CTNND2: variants seen among roughly 807,000 people sequenced by gnomAD.
CTNND2 encodes catenin delta 2, also known as catenin delta-2.
Under a neutral mutation model 144.4 loss-of-function variants are expected in CTNND2, and 22 were observed. The observed-to-expected ratio is 0.15, with a 90% confidence interval of 0.11 to 0.22. The LOEUF (loss-of-function observed/expected upper bound fraction) is 0.22, where lower values mean the gene tolerates loss of function less well. Among genes scored for constraint, CTNND2 ranks in the 10% least tolerant of loss-of-function variants. The probability of loss-of-function intolerance (pLI) is 1.00; values close to 1 mark genes in which losing one functional copy is unlikely to be tolerated. For synonymous variants in CTNND2, 751 were observed against 695.6 expected, an observed-to-expected ratio of 1.08 and a Z score of -1.25; for missense variants, 1,353 against 1,618.8, an observed-to-expected ratio of 0.84 and a Z score of 2.82.
chr5:11,396,087 G>A (rs1448939904), intron 6 of CTNND2, among the ~76,000 whole-genome samples: 1 of 152,200 alleles, frequency 6.6e-6, no homozygotes, highest in Non-Finnish European at 1.5e-5. Context: ...TTCAGAGGAA[G>A]GGTTCCTGGA....
intron 15 of CTNND2, among the ~76,000 whole-genome samples, chr5:11,093,258 A>G (rs1467509336): frequency 6.6e-6 from 1 of 152,238 alleles, no homozygotes; most frequent in Non-Finnish European, 1.5e-5. Flanking sequence ...GTTTTCAGAA[A>G]GCTCAAGTAC....
chr5:11,435,310 T>C (rs1763668521), intron 3 of CTNND2, among the ~76,000 whole-genome samples: 2 of 151,794 alleles, frequency 1.3e-5, no homozygotes, highest in African/African-American at 4.8e-5. Flanking sequence ...GGCTAATTTT[T>C]TTTTTGTATT....
intron 11 of CTNND2, among the ~76,000 whole-genome samples, chr5:11,163,564 ACT>A (rs1347306558): frequency 2.6e-5 from 4 of 151,664 alleles, no homozygotes; most frequent in Admixed American, 6.6e-5. Flanking sequence ...TGAAGCTCCC[ACT>A]CTCTCTGTTG....
chr5:11,532,674 T>A (rs1773849907), intron 3 of CTNND2, among the ~76,000 whole-genome samples: 1 of 152,208 alleles, frequency 6.6e-6, no homozygotes. Flanking sequence ...GTTTGTTCTA[T>A]CATTTCAAAT....
Position 11,517,140 on chromosome 5 carries a change from C to T in CTNND2, c.287+47804G>A, listed in dbSNP as rs537058363. ...TTTATGTTCCACACGTGATATGTGA[C>T]GTACACACTGCTAAATACCAAGCAC... On this transcript the variant is annotated intron_variant, in intron 3 of 21. Transcript: ENST00000304623. 2.5e-4 allele frequency among the ~76,000 whole-genome samples: 38 copies of T among 152,288 alleles called. 1 individual carries two copies. The South Asian group carries it at 7.5e-3, about 30-fold the overall frequency.
At chr5:11,540,981 C>T (rs1276092149) in intron 3 of CTNND2, among the ~76,000 whole-genome samples, 1 of 152,204 alleles carries the variant, frequency 6.6e-6, no homozygotes. Flanking sequence ...CATTTAGACT[C>T]AGGACTTAGC....
chr5:11,292,746 T>C (rs1748490169), intron 9 of CTNND2, among the ~76,000 whole-genome samples: 1 of 152,118 alleles, frequency 6.6e-6, no homozygotes, highest in African/African-American at 2.4e-5. Flanking sequence ...TTTATAGCAG[T>C]GTGAGAACAG....
At position 11,641,676 on chromosome 5, in the gene CTNND2, A is replaced by G. The variant is rs6887356; in HGVS notation, c.175-76620T>C. ...CGTGTGTATATACATATACGTGTGT[A>G]TATACATATACGTGTGTGTATATAC... On this transcript the variant is annotated intron_variant, in intron 2 of 21. Coordinates refer to ENST00000304623, the MANE Select transcript of CTNND2 (RefSeq NM_001332.4). Among the ~76,000 whole-genome samples, 52 of 131,608 alleles carry G rather than the reference A, an allele frequency of 4.0e-4. 1 individual carries two copies. The highest frequency in any genetic ancestry group is 1.5e-3 in the East Asian group (6 of 4,000). 86.3% of individuals were successfully genotyped at this position (131,608 alleles called of 152,430 possible). A position where few individuals can be genotyped will look rare whatever the true frequency, so the allele number is the denominator to read the frequency against.
chr5:11,425,511 T>C (rs1184136071), intron 3 of CTNND2, among the ~76,000 whole-genome samples: 1 of 152,206 alleles, frequency 6.6e-6, no homozygotes, highest in Non-Finnish European at 1.5e-5. Context: ...TGTCCTGAAG[T>C]TATCCTTTCA....
At chr5:11,702,652 T>A (rs570333142) in intron 2 of CTNND2, among the ~76,000 whole-genome samples, 1 of 152,294 alleles carries the variant, frequency 6.6e-6, no homozygotes, top group East Asian at 1.9e-4. Flanking sequence ...CTACACCGGA[T>A]CCTAGGGTGG....
chr5:11,603,326 C>G (rs1314944120), intron 2 of CTNND2, among the ~76,000 whole-genome samples: 1 of 152,174 alleles, frequency 6.6e-6, no homozygotes, highest in African/African-American at 2.4e-5. Context: ...AATGAACCAT[C>G]CCATGAAACA....
rs567731596 is a variant in CTNND2 at position 11,276,780 on chromosome 5, G to T, written c.1629-39957C>A. Among the ~76,000 whole-genome samples the T allele has an allele frequency of 2.0e-5, 3 of 152,310 alleles. No individual in the cohort carries two copies. The East Asian group carries it at 5.8e-4, about 29-fold the overall frequency. The stretch of plus-strand genomic sequence containing the variant: ...TCCTTATAAGAAGAGAAAGGAGAAA[G>T]AGATTCGTGACATGAGCACACACAG... On this transcript the variant is annotated intron_variant, in intron 9 of 21. Coordinates refer to ENST00000304623, the MANE Select transcript of CTNND2 (RefSeq NM_001332.4).
intron 1 of CTNND2, among the ~76,000 whole-genome samples, chr5:11,755,030 G>C (rs1409725498): frequency 6.6e-6 from 1 of 151,650 alleles, no homozygotes; most frequent in Non-Finnish European, 1.5e-5. Context: ...TTGCTGTATA[G>C]TGTCACTGAT....
At chr5:11,881,545 T>TAG (rs1458640963) in intron 1 of CTNND2, among the ~76,000 whole-genome samples, 1 of 151,998 alleles carries the variant, frequency 6.6e-6, no homozygotes, top group Non-Finnish European at 1.5e-5. Flanking sequence ...TGTATTTCTA[T>TAG]GCCTGGCTTA....
chr5:11,444,741 G>A (rs902502312), intron 3 of CTNND2, among the ~76,000 whole-genome samples: 6 of 152,146 alleles, frequency 3.9e-5, no homozygotes, highest in African/African-American at 1.4e-4. Context: ...TGGTGTCAAT[G>A]TATTTGAAGC....
intron 2 of CTNND2, among the ~76,000 whole-genome samples, chr5:11,618,530 T>C (rs1453804357): frequency 6.6e-6 from 1 of 152,220 alleles, no homozygotes; most frequent in African/African-American, 2.4e-5. Flanking sequence ...TAAACCCACA[T>C]ACATGTCCAC....
At chr5:11,744,442 G>A (rs1318777338) in intron 1 of CTNND2, among the ~76,000 whole-genome samples, 2 of 152,156 alleles carry the variant, frequency 1.3e-5, no homozygotes, top group Non-Finnish European at 2.9e-5. Context: ...CCTGAGGACT[G>A]AGAAGAAAGC....
chr5:11,014,424 T>C (rs1232551916), intron 18 of CTNND2, among the ~76,000 whole-genome samples: 1 of 152,242 alleles, frequency 6.6e-6, no homozygotes, highest in Non-Finnish European at 1.5e-5. Flanking sequence ...AAATATCCTC[T>C]GCAATGACAC....
rs551351984 is a variant in CTNND2, at chr5:11,119,973, C to T, written c.2160-2406G>A. ...TAATTTCACTGGTAATCATTAAATG[C>T]GCAGGACCAACCAATAGGAAATAAT... On this transcript the variant is annotated intron_variant, in intron 12 of 21. Coordinates refer to ENST00000304623, the MANE Select transcript of CTNND2 (RefSeq NM_001332.4). Among the ~76,000 whole-genome samples the T allele has an allele frequency of 2.4e-4, 36 of 152,244 alleles. No homozygotes were observed. The South Asian group carries it at 3.7e-3, about 16-fold the overall frequency.
Sources: gnomAD v4.1 joint callset for allele counts (sites outside exome capture counted in the v4.1 genomes callset) on GRCh38, gnomAD v4.1.1 for gene constraint, MANE v1.5 for transcripts, NCBI Gene and HGNC (gene_info 2026-07-23, HGNC 2026-07-21) for gene names.